Variants in ROBO1 observed in about 807,000 individuals in gnomAD.
ROBO1 encodes the protein roundabout guidance receptor 1.
In ROBO1, 149 loss-of-function variants were observed where a neutral mutation model predicts 195.9. The ratio of observed to expected loss-of-function variants is 0.76; its 90% CI spans 0.67 to 0.87. The LOEUF (loss-of-function observed/expected upper bound fraction) is 0.87, where lower values mean the gene tolerates loss of function less well. ROBO1 is among the 40% of genes least tolerant of loss of function. The pLI, the probability that ROBO1 is intolerant of heterozygous loss-of-function variation, is 0.00. For synonymous variants in ROBO1, 816 were observed against 733.2 expected (o/e 1.11, Z -1.82); for missense variants, 1,933 against 2,068.3 (o/e 0.93, Z 1.27).
At chr3:78,818,454 T>G (rs556941634) in intron 4 of ROBO1, among the ~76,000 whole-genome samples, 4 of 152,162 alleles carry the variant, frequency 2.6e-5, no homozygotes, top group African/African-American at 7.2e-5. Flanking sequence ...CCATGACGAT[T>G]TGTGGAAGCC....
rs116197226 is a variant in ROBO1, at chr3:79,675,913, C to T, written c.-50-85952G>A. On this transcript the variant is annotated intron_variant, in intron 1 of 30. Transcript: ENST00000464233. ...CCAGCAGATCATTCTCTTTTCTCTT[C>T]GTCATACATCTGCACAATTGTCGAT... Among the ~76,000 whole-genome samples, 836 of 152,144 alleles carry T rather than the reference C, an allele frequency of 5.5e-3. 9 individuals are homozygous for T. The highest frequency in any genetic ancestry group is 0.019 in the African/African-American group (790 of 41,550).
chr3:79,296,368 A>G (rs1337826095), intron 2 of ROBO1, among the ~76,000 whole-genome samples: 2 of 152,218 alleles, frequency 1.3e-5, no homozygotes, highest in East Asian at 3.8e-4. Context: ...TAGTTGAGCA[A>G]TCATCAGATA....
intron 5 of ROBO1, among the ~76,000 whole-genome samples, chr3:78,734,625 A>C (rs1425436975): frequency 3.9e-5 from 6 of 151,966 alleles, no homozygotes; most frequent in Admixed American, 1.3e-4. Flanking sequence ...AAAAAAAAAA[A>C]AACCTCCAGA....
intron 3 of ROBO1, among the ~76,000 whole-genome samples, chr3:78,948,499 T>C (rs1035302613): frequency 6.6e-6 from 1 of 152,138 alleles, no homozygotes; most frequent in East Asian, 1.9e-4. Context: ...AAAGTAGGTA[T>C]TGATGGGACA....
intron 1 of ROBO1, among the ~76,000 whole-genome samples, chr3:79,709,391 A>G (rs1361837530): frequency 1.3e-5 from 2 of 152,148 alleles, no homozygotes; most frequent in Non-Finnish European, 2.9e-5. Flanking sequence ...ATCTGTAGCT[A>G]CATAATTATT....
At chr3:79,001,482 G>T (rs1437968857) in intron 3 of ROBO1, among the ~76,000 whole-genome samples, 1 of 151,960 alleles carries the variant, frequency 6.6e-6, no homozygotes, top group African/African-American at 2.4e-5. Context: ...AACTTTGTGT[G>T]TAGTGACCAT....
rs192677258 is a variant in ROBO1, at chr3:79,738,292, A to G, written c.-51+29460T>C. Among the ~76,000 whole-genome samples the G allele has an allele frequency of 4.8e-4, 73 of 152,340 alleles. No homozygotes were observed. The East Asian group carries it at 0.013, about 28-fold the overall frequency. On this transcript the variant is annotated intron_variant, in intron 1 of 30. Transcript: ENST00000464233. ...AAAGTAAAAGACTCTCCCGAAAGGC[A>G]TTAAAAATTAACTAGTGTCTTAAAA...
At chr3:78,673,562 T>TTA (rs1166250669) in intron 10 of ROBO1, among the ~76,000 whole-genome samples, 2,251 of 62,988 alleles carry the variant, frequency 0.036, 58 homozygotes, top group Non-Finnish European at 0.047. Flanking sequence ...TACATATATT[T>TTA]TATATATATA....
chr3:79,270,891 T>C (rs2030491276), intron 2 of ROBO1, among the ~76,000 whole-genome samples: 1 of 151,790 alleles, frequency 6.6e-6, no homozygotes, highest in African/African-American at 2.4e-5. Flanking sequence ...ATTTATCTTA[T>C]ATAAATATTC....
intron 2 of ROBO1, among the ~76,000 whole-genome samples, chr3:79,367,872 C>T (rs1048561439): frequency 2.0e-5 from 3 of 152,156 alleles, no homozygotes; most frequent in Non-Finnish European, 2.9e-5. Context: ...TGTTTTGTGC[C>T]TAGCATACTG....
At chr3:78,660,992 C>G in intron 16 of ROBO1, 38 bp downstream of exon 16, 1 of 1,353,660 alleles carries the variant, frequency 7.4e-7, no homozygotes, top group Non-Finnish European at 1.0e-6. Flanking sequence ...AACAAATATA[C>G]TGCAATGCAT....
At chr3:79,481,984 A>G (rs1938887907) in intron 2 of ROBO1, among the ~76,000 whole-genome samples, 1 of 152,152 alleles carries the variant, frequency 6.6e-6, no homozygotes, top group Non-Finnish European at 1.5e-5. Flanking sequence ...TTTTCCTACT[A>G]TTGCCTTAAA....
intron 3 of ROBO1, among the ~76,000 whole-genome samples, chr3:78,963,073 C>T (rs1359022445): frequency 6.7e-6 from 1 of 148,184 alleles, no homozygotes; most frequent in Middle Eastern, 3.4e-3. Context: ...GCATTGGATA[C>T]ATGTGATCTC....
At chr3:79,335,462 CTG>C (rs780933309) in intron 2 of ROBO1, among the ~76,000 whole-genome samples, 17 of 152,124 alleles carry the variant, frequency 1.1e-4, no homozygotes, top group East Asian at 3.9e-4. Context: ...ATGATAGTAA[CTG>C]AGGTCTCGTG....
At chr3:79,531,969 T>C (rs754498452) in intron 2 of ROBO1, among the ~76,000 whole-genome samples, 1 of 152,076 alleles carries the variant, frequency 6.6e-6, no homozygotes, top group Non-Finnish European at 1.5e-5. Flanking sequence ...AGTTTAGAAT[T>C]TGGGAATACG....
intron 2 of ROBO1, among the ~76,000 whole-genome samples, chr3:79,416,867 T>C (rs748455164): frequency 1.3e-5 from 2 of 152,176 alleles, no homozygotes; most frequent in South Asian, 2.1e-4. Context: ...TTTATTCCTA[T>C]GGCACTCTGC....
At chr3:79,061,579 T>C (rs1185807942) in intron 3 of ROBO1, among the ~76,000 whole-genome samples, 1 of 152,102 alleles carries the variant, frequency 6.6e-6, no homozygotes, top group Non-Finnish European at 1.5e-5. Context: ...GCTGGAGACA[T>C]CACACTACCT....
rs758775723 is a variant in ROBO1, at chr3:79,501,202, C to T, written c.88+88622G>A. The stretch of plus-strand genomic sequence containing the variant: ...GTATTATTTTCAAAATGTTGCTGTT[C>T]TATGGTTTTTGAGATGTAGTAACAG... On this transcript the variant is annotated intron_variant, in intron 2 of 30. Transcript: ENST00000464233. Among the ~76,000 whole-genome samples, 3 of 152,112 alleles carry T rather than the reference C, an allele frequency of 2.0e-5. No homozygotes were observed. The East Asian group carries it at 5.8e-4, about 29-fold the overall frequency.
chr3:79,372,511 T>A (rs1484129619), intron 2 of ROBO1, among the ~76,000 whole-genome samples: 6 of 152,028 alleles, frequency 3.9e-5, no homozygotes, highest in Non-Finnish European at 8.8e-5. Flanking sequence ...GCCTGGCCTC[T>A]AGCATTCTTA....
Sources: allele counts gnomAD v4.1 joint callset (sites outside exome capture counted in the v4.1 genomes callset), GRCh38; gene constraint gnomAD v4.1.1; transcripts MANE v1.5; gene names NCBI Gene and HGNC (gene_info 2026-07-23, HGNC 2026-07-21).